The following ZSCAN21 variants were observed in gnomAD, a reference collection of about 807,000 sequenced individuals.
The protein encoded by ZSCAN21 is zinc finger and SCAN domain containing 21, also known as zinc finger and SCAN domain-containing protein 21.
A neutral mutation model predicts 35.6 loss-of-function variants in ZSCAN21; 26 were observed. The observed-to-expected ratio is 0.73, with a 90% CI of 0.54 to 1.01. The LOEUF (loss-of-function observed/expected upper bound fraction) is 1.01, where lower values mean the gene tolerates loss of function less well. Among genes scored for constraint, ZSCAN21 ranks in the 50% least tolerant of loss-of-function variants. ZSCAN21 has a pLI of 0.00. For missense variants in ZSCAN21, 593 were observed against 587.1 expected, an observed-to-expected ratio of 1.01 and a Z score of -0.10; for synonymous variants, 219 against 219.3, an observed-to-expected ratio of 1.00 and a Z score of 0.01.
chr7:100,058,223 G>A (rs1000547772), intron 3 of ZSCAN21, among the ~76,000 whole-genome samples: 2 of 152,286 alleles, frequency 1.3e-5, no homozygotes, highest in Middle Eastern at 6.8e-3. Flanking sequence ...GAATAGTGTT[G>A]CACCAGACAA....
chr7:100,061,227 A>C (rs1335684391), intron 3 of ZSCAN21, among the ~76,000 whole-genome samples: 1 of 152,130 alleles, frequency 6.6e-6, no homozygotes, highest in African/African-American at 2.4e-5. Flanking sequence ...TATTTTTTAA[A>C]ATGTTAACTT....
At position 100,064,519 on chromosome 7, in the gene ZSCAN21, A is replaced by G; in HGVS notation, c.1324A>G (p.Lys442Glu). 3 of 1,614,188 alleles carry G rather than the reference A, an allele frequency of 1.9e-6. No individual in the cohort carries two copies. The highest frequency in any genetic ancestry group is 2.5e-6 in the Non-Finnish European group (3 of 1,180,030). Residue 442 changes from lysine to glutamate, a missense_variant, in exon 4 of 4, where the codon AAG becomes GAG. Physicochemically the swap from Lys to Glu is moderately conservative, Grantham distance 56. Coordinates refer to ENST00000292450, the MANE Select transcript of ZSCAN21 (RefSeq NM_145914.3). ...ACACCACAGAATCCACACCGGGGAA[A>G]AGCCCTACTGGTGTCATCACTGTGG... ...NKHHRIHTGE[K>E]PYWCHHCGKT... is the part of the protein sequence containing the mutation.
rs546093896 is a variant in ZSCAN21, at chr7:100,051,033, A to G, written c.-97+1192A>G. On this transcript the variant is annotated intron_variant, in intron 1 of 3. Transcript: ENST00000292450. ...ATGGAGAAACCCCGTCTCTACTACA[A>G]ATACAAAATTAGGCGGGCGTGGTGG... Among the ~76,000 whole-genome samples, 275 of 151,190 alleles carry G rather than the reference A, an allele frequency of 1.8e-3. 2 individuals are homozygous for G. Among genetic ancestry groups the G allele is most frequent in the Middle Eastern group, 6.8e-3 (2 of 294 alleles).
rs1446424177 is a variant in ZSCAN21, at chr7:100,049,789, G to GT, written c.-148dup. 1.3e-5 allele frequency: 2 copies of GT among 152,318 alleles called. No homozygotes were observed. Among genetic ancestry groups the GT allele is most frequent in the African/African-American group, 4.8e-5 (2 of 41,480 alleles). 9.4% of individuals were successfully genotyped at this position (152,318 alleles called of 1,614,324 possible). On this transcript the variant is annotated 5_prime_UTR_variant, in exon 1 of 4. Coordinates refer to ENST00000292450, the MANE Select transcript of ZSCAN21 (RefSeq NM_145914.3). Reference sequence around the variant, plus strand: ...GCTATGACGCACTTCCGGGTGCGCGGTCCCGAGGTACGCGGTGCGGTCTCC... The same window carrying GT: ...GCTATGACGCACTTCCGGGTGCGCGGTTCCCGAGGTACGCGGTGCGGTCTCC...
chr7:100,058,180 C>T (rs1792150471), intron 3 of ZSCAN21, among the ~76,000 whole-genome samples: 1 of 152,084 alleles, frequency 6.6e-6, no homozygotes, highest in African/African-American at 2.4e-5. Context: ...AAACTGTTAA[C>T]AGAGGTGTAG....
chr7:100,057,301 C>T lies in ZSCAN21; in HGVS notation c.295C>T (p.Gln99Ter). 5.0e-6 allele frequency: 8 copies of T among 1,613,384 alleles called. No homozygotes were observed. The highest frequency in any genetic ancestry group is 6.8e-6 in the Non-Finnish European group (8 of 1,179,724). ...VLEQFLTILPQELQAWVQEHC... is the reference protein window; with the variant it reads ...VLEQFLTILP ...GGAGCAGTTCCTGACCATCCTGCCC[C>T]AGGAGCTCCAGGCCTGGGTGCAGGA... The change falls in exon 2 of 4, where the codon CAG becomes TAG. Residue 99 changes from glutamine (Q) to a stop codon, truncating the protein, a stop_gained. Coordinates refer to ENST00000292450, the MANE Select transcript of ZSCAN21 (RefSeq NM_145914.3). LOFTEE classifies it high-confidence loss of function.
At chr7:100,052,728 A>G (rs1036262870) in intron 1 of ZSCAN21, among the ~76,000 whole-genome samples, 1 of 152,064 alleles carries the variant, frequency 6.6e-6, no homozygotes, top group Non-Finnish European at 1.5e-5. Context: ...AAACCATGCA[A>G]CTTGTGAAAT....
At chr7:100,062,036 T>TC (rs1792315941) in intron 3 of ZSCAN21, among the ~76,000 whole-genome samples, 2 of 152,180 alleles carry the variant, frequency 1.3e-5, no homozygotes, top group Admixed American at 1.3e-4. Flanking sequence ...TGTAAGTAAA[T>TC]GATGAGCGTG....
In ZSCAN21 at chr7:100,064,259, C is replaced by A. The variant is rs775813808; in HGVS notation, c.1064C>A (p.Thr355Lys). 5 of 1,614,144 alleles carry A rather than the reference C, an allele frequency of 3.1e-6. No individual in the cohort carries two copies. In the South Asian group the frequency reaches 4.4e-5, roughly 14 times the overall value. Reference sequence around the variant, plus strand: ...CTTCTTAAACATCAGAGAATGCACACAGAAGAGGCGCCATATCAGTGCAAA... The same window carrying A: ...CTTCTTAAACATCAGAGAATGCACAAAGAAGAGGCGCCATATCAGTGCAAA... ...SDLLKHQRMH[T>K]EEAPYQCKDC... Residue 355 changes from threonine (T) to lysine (K), a missense_variant, in exon 4 of 4, where the codon ACA (threonine) becomes AAA (lysine). Coordinates refer to ENST00000292450, the MANE Select transcript of ZSCAN21 (RefSeq NM_145914.3).
intron 1 of ZSCAN21, among the ~76,000 whole-genome samples, chr7:100,051,178 CAAAAAAAAA>C (rs369246193): frequency 0.021 from 885 of 41,354 alleles, 48 homozygotes; most frequent in Middle Eastern, 0.069. Context: ...AACTACGTCT[CAAAAAAAAA>C]AAAAAAAAAA....
rs142622237 is a variant in ZSCAN21 at position 100,057,258 on chromosome 7, C to T, written c.252C>T (p.Ile84=). 850 of 1,613,880 alleles carry T rather than the reference C, an allele frequency of 5.3e-4. 4 individuals carry two copies. Among genetic ancestry groups the T allele is most frequent in the Admixed American group, 2.4e-3 (143 of 60,002 alleles). The change falls in exon 2 of 4, where the codon ATC becomes ATT. Residue 84 remains isoleucine (I), a synonymous_variant. Transcript: ENST00000292450. ...LRPEIHTKEQ[I]LELLVLEQFL... The stretch of plus-strand genomic sequence containing the variant: ...CCGAGATCCACACCAAGGAGCAGAT[C>T]CTGGAGCTACTGGTGCTGGAGCAGT...
chr7:100,053,546 A>ATACATAAT (rs755978112), intron 1 of ZSCAN21, among the ~76,000 whole-genome samples: 1,464 of 79,492 alleles, frequency 0.018, 34 homozygotes, highest in Non-Finnish European at 0.029. Flanking sequence ...TACATACATA[A>ATACATAAT]TTTTTTTTTT....
At chr7:100,055,796 C>G (rs571076804) in intron 1 of ZSCAN21, among the ~76,000 whole-genome samples, 2 of 151,772 alleles carry the variant, frequency 1.3e-5, no homozygotes, top group Non-Finnish European at 2.9e-5. Context: ...CCTGCAACCA[C>G]GCCCGGCTAA....
chr7:100,064,013 G>A lies in ZSCAN21; in HGVS notation c.818G>A (p.Gly273Glu), dbSNP rs1562850854. ...TCAGTTCCTACTAAACCTACCCCAG[G>A]AGAGAGACGTTATATATGTGCTGAA... ...RESVPTKPTP[G>E]ERRYICAECG... is the part of the protein sequence containing the mutation. Residue 273 changes from glycine (G) to glutamate (E), a missense_variant, in exon 4 of 4, where the codon GGA becomes GAA. Physicochemically the swap from Gly to Glu is moderately conservative, Grantham distance 98. Coordinates refer to ENST00000292450, the MANE Select transcript of ZSCAN21 (RefSeq NM_145914.3). 4 of 1,614,158 alleles carry A rather than the reference G, an allele frequency of 2.5e-6. No individual in the cohort carries two copies. Among genetic ancestry groups the A allele is most frequent in the Non-Finnish European group, 2.5e-6 (3 of 1,180,034 alleles).
rs1792564404 is a variant in ZSCAN21 at position 100,064,891 on chromosome 7, GTTAA to G, written c.*275_*278del. ...CCATGCCAGCATTACCTTTTGCGTAGTTAAACAGACGTGTATCCAGTCTAGTTAA... is the reference window on the plus strand; with the variant it reads ...CCATGCCAGCATTACCTTTTGCGTAGACAGACGTGTATCCAGTCTAGTTAA... On this transcript the variant is annotated 3_prime_UTR_variant, in exon 4 of 4. Transcript: ENST00000292450. The G allele has an allele frequency of 3.5e-6, 3 of 846,452 alleles. No individual in the cohort carries two copies. The highest frequency in any genetic ancestry group is 4.9e-6 in the Non-Finnish European group (3 of 608,504). The allele number at this position is 846,452 out of a possible 1,614,324, so 52.4% of individuals were successfully genotyped here.
At chr7:100,061,589 G>A (rs1055002942) in intron 3 of ZSCAN21, among the ~76,000 whole-genome samples, 18 of 152,354 alleles carry the variant, frequency 1.2e-4, no homozygotes, top group African/African-American at 2.4e-4. Flanking sequence ...CCAGTGACTC[G>A]AAGAGAAGTC....
chr7:100,053,137 A>C (rs1410924535), intron 1 of ZSCAN21, among the ~76,000 whole-genome samples: 3 of 151,998 alleles, frequency 2.0e-5, no homozygotes, highest in African/African-American at 7.2e-5. Flanking sequence ...AAAAAAAAAA[A>C]AAAAAGAACT....
intron 3 of ZSCAN21, among the ~76,000 whole-genome samples, chr7:100,062,139 T>C (rs1399534102): frequency 6.6e-6 from 1 of 152,168 alleles, no homozygotes; most frequent in Non-Finnish European, 1.5e-5. Context: ...CTGATTGCTT[T>C]TATGTTCAAC....
At chr7:100,053,094 C>T (rs1791944140) in intron 1 of ZSCAN21, among the ~76,000 whole-genome samples, 1 of 151,116 alleles carries the variant, frequency 6.6e-6, no homozygotes, top group Non-Finnish European at 1.5e-5. Flanking sequence ...GCACTGCACT[C>T]CAGCCTGGGC....
Sources: allele counts gnomAD v4.1 joint callset (sites outside exome capture counted in the v4.1 genomes callset), GRCh38; gene constraint gnomAD v4.1.1; transcripts MANE v1.5; gene names NCBI Gene and HGNC (gene_info 2026-07-23, HGNC 2026-07-21).